The following RPS6KA2 variants were observed in gnomAD, a reference collection of about 807,000 sequenced individuals.
The protein encoded by RPS6KA2 is ribosomal protein S6 kinase alpha-2.
Under a neutral mutation model 91.8 loss-of-function variants are expected in RPS6KA2, and 42 were observed. The ratio of observed to expected loss-of-function variants is 0.46; its 90% CI spans 0.36 to 0.59. The LOEUF (loss-of-function observed/expected upper bound fraction) is 0.59. Ranked by LOEUF, RPS6KA2 falls within the 20% of genes least tolerant of loss-of-function variation. The pLI is 0.00. For missense variants in RPS6KA2, 798 were observed against 978.5 expected, an observed-to-expected ratio of 0.82 and a Z score of 2.46; for synonymous variants, 414 against 393.6, an observed-to-expected ratio of 1.05 and a Z score of -0.61.
intron 11 of RPS6KA2, chr6:166,460,686 C>G (rs537254499): frequency 1.3e-5 from 2 of 152,508 alleles, no homozygotes; most frequent in Admixed American, 6.5e-5. Flanking sequence ...GGGGTCTTGC[C>G]CCCCACTGAG....
At chr6:166,684,389 C>T (rs182478870) in intron 2 of RPS6KA2, among the ~76,000 whole-genome samples, 1 of 152,314 alleles carries the variant, frequency 6.6e-6, no homozygotes, top group East Asian at 1.9e-4. Flanking sequence ...TGCAGGCCTG[C>T]CCTGAGCTGC....
At chr6:166,803,793 T>C (rs1583137051) in intron 2 of RPS6KA2, among the ~76,000 whole-genome samples, 1 of 152,230 alleles carries the variant, frequency 6.6e-6, no homozygotes, top group Non-Finnish European at 1.5e-5. Context: ...ATTTAGAAAA[T>C]TGCCTCTTAG....
intron 1 of RPS6KA2, among the ~76,000 whole-genome samples, chr6:166,540,402 C>T (rs1036300678): frequency 2.0e-5 from 3 of 152,176 alleles, no homozygotes; most frequent in African/African-American, 2.4e-5. Context: ...GAAACACTTT[C>T]GTCTCCATAT....
chr6:166,524,929 G>GAC (rs1206712382), intron 3 of RPS6KA2, among the ~76,000 whole-genome samples: 1 of 152,180 alleles, frequency 6.6e-6, no homozygotes, highest in Non-Finnish European at 1.5e-5. Context: ...GTGCCCTAGA[G>GAC]ACACCGGCGG....
chr6:166,459,496 T>A lies in RPS6KA2; in HGVS notation c.1028A>T (p.Glu343Val). Residue 343 changes from glutamate (E) to valine (V), a missense_variant, in exon 12 of 21, where the codon GAG (glutamate) becomes GTG (valine). Transcript: ENST00000265678. This position sits in a 1 kb window ranked among gnomAD's most constrained non-coding sequence, Gnocchi z 4.9. ...CTCGGGGTCAAAGTGGAAGGTGTCC[T>A]CAGGCCTGCCCACTGCTGGTTTGAA... is the stretch of plus-strand genomic sequence containing the variant. ...PPFKPAVGRP[E>V]DTFHFDPEFT... 1 of 1,614,142 alleles carries A rather than the reference T, an allele frequency of 6.2e-7. No individual in the cohort carries two copies. Among genetic ancestry groups the A allele is most frequent in the South Asian group, 1.1e-5 (1 of 91,072 alleles).
At chr6:166,629,028 G>A (rs76221856), upstream of RPS6KA2, among the ~76,000 whole-genome samples, 680 of 152,340 alleles carry the variant, frequency 4.5e-3, 3 homozygotes, top group African/African-American at 0.016. Context: ...AGTAATCTGT[G>A]CTCTCAGAAC....
chr6:166,670,469 G>C (rs1053246151), intron 2 of RPS6KA2, among the ~76,000 whole-genome samples: 1 of 152,134 alleles, frequency 6.6e-6, no homozygotes, highest in African/African-American at 2.4e-5. Flanking sequence ...GTAAGTTTGG[G>C]GGTAATTTGT....
In RPS6KA2 at chr6:166,493,194, A is replaced by G. The variant is rs113820434; in HGVS notation, c.748-2453T>C. 8.3e-4 allele frequency among the ~76,000 whole-genome samples: 126 copies of G among 152,220 alleles called. No individual in the cohort carries two copies. The highest frequency in any genetic ancestry group is 2.8e-3 in the African/African-American group (118 of 41,538). On this transcript the variant is annotated intron_variant, in intron 8 of 20. Coordinates refer to ENST00000265678, the MANE Select transcript of RPS6KA2 (RefSeq NM_021135.6). This position sits in a 1 kb window ranked among gnomAD's most constrained non-coding sequence, Gnocchi z 4.7. ...CCAGCACAGCACCCATGAATATTCA[A>G]CAACTGCTTCTTGGTGATGAAGGTG...
At chr6:166,497,528 G>A (rs1008917309) in intron 8 of RPS6KA2, among the ~76,000 whole-genome samples, 4 of 152,238 alleles carry the variant, frequency 2.6e-5, no homozygotes, top group Non-Finnish European at 4.4e-5. Context: ...GTGCGGGCAC[G>A]TGGAACACAG....
chr6:166,719,044 C>G (rs1009866579), intron 2 of RPS6KA2, among the ~76,000 whole-genome samples: 3 of 152,202 alleles, frequency 2.0e-5, no homozygotes, highest in Admixed American at 6.5e-5. Flanking sequence ...TCTACATGTA[C>G]AGGTAGCAAA....
chr6:166,861,075 T>C (rs1781035885), intron 1 of RPS6KA2, among the ~76,000 whole-genome samples: 1 of 152,252 alleles, frequency 6.6e-6, no homozygotes, highest in Non-Finnish European at 1.5e-5. Flanking sequence ...ATGTCGAGCA[T>C]TATTTAGCTT....
intron 2 of RPS6KA2, among the ~76,000 whole-genome samples, chr6:166,792,077 G>T (rs538093731): frequency 6.6e-6 from 1 of 152,144 alleles, no homozygotes; most frequent in African/African-American, 2.4e-5. Context: ...AATGAATCTG[G>T]GAGCTGGTTT....
chr6:166,672,663 G>A (rs1434617485), intron 2 of RPS6KA2, among the ~76,000 whole-genome samples: 1 of 152,188 alleles, frequency 6.6e-6, no homozygotes, highest in Non-Finnish European at 1.5e-5. Flanking sequence ...TTTATTTTCT[G>A]AGAGAAAGGA....
chr6:166,607,253 C>T (rs1785987313), intron 1 of RPS6KA2, among the ~76,000 whole-genome samples: 1 of 151,464 alleles, frequency 6.6e-6, no homozygotes, highest in South Asian at 2.1e-4. Context: ...CATAGAGTTG[C>T]CATCCCAGAT....
intron 10 of RPS6KA2, among the ~76,000 whole-genome samples, chr6:166,470,669 C>T (rs183132572): frequency 9.1e-4 from 139 of 152,254 alleles, no homozygotes; most frequent in African/African-American, 3.0e-3. Context: ...CCCCCCAGAA[C>T]GAGCCCAGTG....
chr6:166,695,545 A>C (rs1789330640), intron 2 of RPS6KA2, among the ~76,000 whole-genome samples: 1 of 152,256 alleles, frequency 6.6e-6, no homozygotes, highest in Admixed American at 6.5e-5. Flanking sequence ...CTCAGGCCTC[A>C]GACTGGTACA....
At chr6:166,543,004 A>G (rs1336758788) in intron 1 of RPS6KA2, among the ~76,000 whole-genome samples, 1 of 152,186 alleles carries the variant, frequency 6.6e-6, no homozygotes, top group Non-Finnish European at 1.5e-5. Flanking sequence ...AGAATATATT[A>G]TTACACAGGT....
At chr6:166,498,427 G>A (rs756569782) in intron 8 of RPS6KA2, 81 bp downstream of exon 8, 48 of 1,454,160 alleles carry the variant, frequency 3.3e-5, no homozygotes, top group East Asian at 3.0e-4. Flanking sequence ...CCGCATTTCG[G>A]GACCTCTGAA....
At chr6:166,679,292 TA>T (rs113931859) in intron 2 of RPS6KA2, among the ~76,000 whole-genome samples, 3,186 of 143,784 alleles carry the variant, frequency 0.022, 72 homozygotes, top group South Asian at 0.075. Context: ...CAACTCTCTT[TA>T]AAAAAAAAAA....
Sources: gnomAD v4.1 joint callset for allele counts (sites outside exome capture counted in the v4.1 genomes callset) on GRCh38, gnomAD v4.1.1 for gene constraint, Gnocchi (gnomAD v3.1) non-coding constraint, MANE v1.5 for transcripts, NCBI Gene and HGNC (gene_info 2026-07-23, HGNC 2026-07-21) for gene names.